The following CHN2 variants were observed in gnomAD, a reference collection of about 807,000 sequenced individuals.
CHN2 encodes chimerin 2.
Under a neutral mutation model 56.3 loss-of-function variants are expected in CHN2, and 35 were observed. The observed-to-expected ratio is 0.62, with a 90% CI of 0.47 to 0.82. The LOEUF (loss-of-function observed/expected upper bound fraction) is 0.82, where lower values mean the gene tolerates loss of function less well. Ranked by LOEUF, CHN2 falls within the 40% of genes least tolerant of loss-of-function variation. CHN2 has a pLI of 0.00. For synonymous variants in CHN2, 210 were observed against 212.8 expected, an observed-to-expected ratio of 0.99 and a Z score of 0.12; for missense variants, 491 against 580.5, an observed-to-expected ratio of 0.85 and a Z score of 1.58.
chr7:29,221,688 A>G (rs1785808747), intron 1 of CHN2, among the ~76,000 whole-genome samples: 1 of 152,140 alleles, frequency 6.6e-6, no homozygotes, highest in African/African-American at 2.4e-5. Flanking sequence ...TTCAGCTCCT[A>G]TTTAAAAGTG....
chr7:29,211,300 G>A (rs571934632), intron 1 of CHN2, among the ~76,000 whole-genome samples: 2 of 151,454 alleles, frequency 1.3e-5, no homozygotes, highest in South Asian at 2.1e-4. Context: ...GGATGGTCTC[G>A]ATCTCCTGAC....
intron 1 of CHN2, chr7:29,334,456 T>C (rs1796460505): frequency 6.6e-6 from 1 of 152,162 alleles, no homozygotes; most frequent in South Asian, 2.1e-4. Flanking sequence ...AATGTAATTC[T>C]GTGTGGAATT....
chr7:29,448,737 C>T (rs1585427389), intron 6 of CHN2, among the ~76,000 whole-genome samples: 1 of 152,190 alleles, frequency 6.6e-6, no homozygotes, highest in East Asian at 1.9e-4. Flanking sequence ...CCTTCTCATC[C>T]TTAAGGTCTC....
intron 2 of CHN2, among the ~76,000 whole-genome samples, chr7:29,153,619 A>T (rs1793922251): frequency 1.3e-5 from 2 of 151,912 alleles, no homozygotes; most frequent in African/African-American, 4.8e-5. Context: ...GCCCAGGCTG[A>T]AGTGCAGTGG....
intron 7 of CHN2, among the ~76,000 whole-genome samples, chr7:29,495,699 T>C (rs1789192416): frequency 6.6e-6 from 1 of 152,184 alleles, no homozygotes; most frequent in Non-Finnish European, 1.5e-5. Flanking sequence ...TCTTACTCCT[T>C]AGCTGATGGC....
rs554194194 is a variant in CHN2, at chr7:29,256,451, A to C, written c.49+61461A>C. ...AGCAACGGGCATTTTTTGTTCTTTC[A>C]ATTTTAACACAAGTACAATATTTTA... On this transcript the variant is annotated intron_variant, in intron 1 of 12. Coordinates refer to ENST00000222792, the MANE Select transcript of CHN2 (RefSeq NM_004067.4). Among the ~76,000 whole-genome samples the C allele has an allele frequency of 4.6e-5, 7 of 152,294 alleles. No individual in the cohort carries two copies. In the East Asian group the frequency reaches 7.7e-4, roughly 17 times the overall value.
At chr7:29,273,021 T>G (rs181595785) in intron 1 of CHN2, among the ~76,000 whole-genome samples, 9 of 152,252 alleles carry the variant, frequency 5.9e-5, no homozygotes, top group African/African-American at 1.9e-4. Flanking sequence ...TTATTAACTG[T>G]AGTCCTCACG....
intron 1 of CHN2, among the ~76,000 whole-genome samples, chr7:29,263,906 G>A (rs1362108831): frequency 6.7e-6 from 1 of 150,120 alleles, no homozygotes; most frequent in Non-Finnish European, 1.5e-5. Flanking sequence ...GTCTCCGCCC[G>A]GCAGCCTCCC....
intron 1 of CHN2, among the ~76,000 whole-genome samples, chr7:29,268,810 T>C (rs1198736400): frequency 1.3e-5 from 2 of 152,244 alleles, no homozygotes; most frequent in African/African-American, 4.8e-5. Flanking sequence ...GGGAGTCTGT[T>C]GCTTCTACCT....
chr7:29,217,453 A>T (rs534322758), intron 1 of CHN2, among the ~76,000 whole-genome samples: 85 of 152,320 alleles, frequency 5.6e-4, no homozygotes, highest in African/African-American at 1.9e-3. Context: ...AAATGTGTAG[A>T]CTGGGAGGGC....
intron 7 of CHN2, 108 bp downstream of exon 7, chr7:29,480,464 C>A: frequency 8.7e-7 from 1 of 1,154,968 alleles, no homozygotes. Flanking sequence ...ACAATGAATT[C>A]CTTTGCTTTC....
chr7:29,499,378 A>C (rs10085834), intron 8 of CHN2, among the ~76,000 whole-genome samples: 2,717 of 152,260 alleles, frequency 0.018, 67 homozygotes, highest in African/African-American at 0.062. Flanking sequence ...GGAAGAGGAT[A>C]CCAATGGTCG....
intron 6 of CHN2, among the ~76,000 whole-genome samples, chr7:29,456,626 A>ACCC (rs1784784875): frequency 6.1e-5 from 1 of 16,310 alleles, no homozygotes; most frequent in South Asian, 3.0e-3. Flanking sequence ...CCCCCCCACC[A>ACCC]CCACCACCAA....
chr7:29,287,874 CCTT>C (rs1350692661), intron 1 of CHN2, among the ~76,000 whole-genome samples: 1 of 152,126 alleles, frequency 6.6e-6, no homozygotes, highest in Non-Finnish European at 1.5e-5. Context: ...TGGCTAATTT[CCTT>C]CTTCTTCCTA....
At chr7:29,470,594 A>C (rs10276747) in intron 6 of CHN2, among the ~76,000 whole-genome samples, 2,346 of 152,326 alleles carry the variant, frequency 0.015, 54 homozygotes, top group African/African-American at 0.051. Context: ...ACCTTACTCC[A>C]ACTTCTGACC....
intron 2 of CHN2, among the ~76,000 whole-genome samples, chr7:29,365,721 A>G (rs533161451): frequency 1.1e-3 from 162 of 152,338 alleles, no homozygotes; most frequent in African/African-American, 3.7e-3. Flanking sequence ...ACACATGGTA[A>G]CACTGTAGAA....
chr7:29,213,033 G>A (rs1785075507), intron 1 of CHN2: 1 of 1,602,376 alleles, frequency 6.2e-7, no homozygotes, highest in African/African-American at 1.3e-5. Context: ...ACTGTGGAGA[G>A]GAATCTCTGC....
At chr7:29,254,125 G>A (rs974181563) in intron 1 of CHN2, among the ~76,000 whole-genome samples, 9 of 152,210 alleles carry the variant, frequency 5.9e-5, no homozygotes, top group African/African-American at 1.4e-4. Context: ...GGCTGGTTTC[G>A]AACTCCTGAC....
chr7:29,454,995 A>C (rs1784650481), intron 6 of CHN2, among the ~76,000 whole-genome samples: 1 of 152,176 alleles, frequency 6.6e-6, no homozygotes, highest in Non-Finnish European at 1.5e-5. Context: ...GGATCCTTTT[A>C]GAGGCATCAT....
Sources: gnomAD v4.1 joint callset for allele counts (sites outside exome capture counted in the v4.1 genomes callset) on GRCh38, gnomAD v4.1.1 for gene constraint, MANE v1.5 for transcripts, NCBI Gene and HGNC (gene_info 2026-07-23, HGNC 2026-07-21) for gene names.